The following DCC variants were observed in gnomAD, a reference collection of about 807,000 sequenced individuals.
DCC encodes DCC netrin 1 receptor.
A neutral mutation model predicts 172.5 loss-of-function variants in DCC; 58 were observed. The ratio of observed to expected loss-of-function variants is 0.34; its 90% CI spans 0.27 to 0.42. The LOEUF (loss-of-function observed/expected upper bound fraction) is 0.42. Among genes scored for constraint, DCC ranks in the 10% least tolerant of loss-of-function variants. The pLI, the probability that DCC is intolerant of heterozygous loss-of-function variation, is 1.00. For missense variants in DCC, 1,740 were observed against 1,791.0 expected (o/e 0.97, Z 0.51); for synonymous variants, 709 against 644.5 (o/e 1.10, Z -1.52).
At chr18:53,170,914 C>A (rs2055004408) in intron 8 of DCC, among the ~76,000 whole-genome samples, 1 of 152,076 alleles carries the variant, frequency 6.6e-6, no homozygotes. Flanking sequence ...AAAACAAGGT[C>A]TTACTCTGTC....
intron 1 of DCC, among the ~76,000 whole-genome samples, chr18:52,717,522 T>G (rs1287609096): frequency 1.3e-5 from 2 of 150,156 alleles, no homozygotes; most frequent in Non-Finnish European, 3.0e-5. Flanking sequence ...TGCTTCTCAC[T>G]GTGGCAGCAG....
chr18:53,111,179 C>T (rs2043325056), intron 7 of DCC, among the ~76,000 whole-genome samples: 1 of 144,634 alleles, frequency 6.9e-6, no homozygotes, highest in South Asian at 2.2e-4. Flanking sequence ...TGTTCTCGCT[C>T]ATAGGTAGGA....
intron 12 of DCC, among the ~76,000 whole-genome samples, chr18:53,252,333 T>C (rs2056447014): frequency 2.0e-5 from 3 of 151,984 alleles, no homozygotes; most frequent in East Asian, 3.9e-4. Flanking sequence ...ACAATAAAAA[T>C]AGAGTTAAGA....
intron 5 of DCC, among the ~76,000 whole-genome samples, chr18:52,988,806 T>C (rs1429683363): frequency 1.3e-5 from 2 of 152,134 alleles, no homozygotes; most frequent in East Asian, 3.9e-4. Context: ...ACACATGTAA[T>C]TTTTTGTGGG....
At chr18:52,605,893 G>A (rs2034121708) in intron 1 of DCC, among the ~76,000 whole-genome samples, 1 of 152,010 alleles carries the variant, frequency 6.6e-6, no homozygotes, top group Non-Finnish European at 1.5e-5. Flanking sequence ...ATGGTTCTGT[G>A]GTTGAGGTTA....
intron 18 of DCC, 106 bp from the exon 19 acceptor site, chr18:53,402,680 A>ATACT: frequency 1.2e-6 from 1 of 861,966 alleles, no homozygotes; most frequent in East Asian, 2.4e-5. Context: ...TAGACATGAT[A>ATACT]TACTTCTTGA....
intron 5 of DCC, among the ~76,000 whole-genome samples, chr18:53,008,854 A>G (rs1002030363): frequency 1.3e-5 from 2 of 152,052 alleles, no homozygotes; most frequent in African/African-American, 4.8e-5. Context: ...CAGGTTACAA[A>G]TGAATTTCTT....
chr18:53,057,960 TG>T (rs2144061615), intron 5 of DCC, among the ~76,000 whole-genome samples: 1 of 151,872 alleles, frequency 6.6e-6, no homozygotes, highest in African/African-American at 2.4e-5. Flanking sequence ...GATAGACCAC[TG>T]CAAGAAGCAG....
intron 9 of DCC, among the ~76,000 whole-genome samples, chr18:53,192,850 G>A (rs1336883820): frequency 6.6e-6 from 1 of 152,156 alleles, no homozygotes; most frequent in Non-Finnish European, 1.5e-5. Context: ...CGCATGCCCA[G>A]TTTAGTCTAT....
At chr18:53,114,442 T>C (rs545515665) in intron 7 of DCC, among the ~76,000 whole-genome samples, 1 of 151,558 alleles carries the variant, frequency 6.6e-6, no homozygotes, top group East Asian at 2.0e-4. Flanking sequence ...AGTAATAGAG[T>C]ATCTCAGTAT....
chr18:52,538,766 TG>T (rs1163048278), intron 1 of DCC, among the ~76,000 whole-genome samples: 1 of 152,220 alleles, frequency 6.6e-6, no homozygotes. Flanking sequence ...CTTACAAACA[TG>T]TTTTTTTTTC....
chr18:53,351,440 A>T (rs866631302), intron 15 of DCC, among the ~76,000 whole-genome samples: 3 of 43,774 alleles, frequency 6.9e-5, no homozygotes, highest in African/African-American at 2.0e-4. Flanking sequence ...ATATATATAC[A>T]GTGTATATAT....
chr18:53,472,901 C>A (rs2045715502), intron 25 of DCC, among the ~76,000 whole-genome samples: 1 of 152,222 alleles, frequency 6.6e-6, no homozygotes, highest in Non-Finnish European at 1.5e-5. Context: ...ATATTGGAAT[C>A]TAGATTTCTG....
intron 1 of DCC, among the ~76,000 whole-genome samples, chr18:52,747,288 ATTTC>A (rs1313864171): frequency 6.6e-6 from 1 of 152,110 alleles, no homozygotes; most frequent in African/African-American, 2.4e-5. Context: ...AGTTCAAAGG[ATTTC>A]TTTCTTTATG....
At chr18:52,384,404 A>T (rs1598879744) in intron 1 of DCC, among the ~76,000 whole-genome samples, 1 of 152,180 alleles carries the variant, frequency 6.6e-6, no homozygotes, top group Non-Finnish European at 1.5e-5. Context: ...CCTGAAACAC[A>T]TTCATGAATG....
chr18:52,414,445 T>A (rs1986948590), intron 1 of DCC, among the ~76,000 whole-genome samples: 1 of 152,146 alleles, frequency 6.6e-6, no homozygotes, highest in Admixed American at 6.6e-5. Flanking sequence ...CTGCTCCCCA[T>A]CTGATTGACT....
chr18:52,645,849 G>A (rs1015763866), intron 1 of DCC, among the ~76,000 whole-genome samples: 5 of 152,146 alleles, frequency 3.3e-5, no homozygotes, highest in African/African-American at 9.7e-5. Flanking sequence ...GAAAGACTTG[G>A]CTGTATCAGA....
At chr18:53,157,926 A>C (rs2054769690) in intron 8 of DCC, among the ~76,000 whole-genome samples, 1 of 152,144 alleles carries the variant, frequency 6.6e-6, no homozygotes, top group Admixed American at 6.5e-5. Context: ...TTCCTCTTTA[A>C]TAAGGAGAAA....
chr18:52,534,919 C>G (rs1428334990), intron 1 of DCC, among the ~76,000 whole-genome samples: 1 of 152,132 alleles, frequency 6.6e-6, no homozygotes, highest in Non-Finnish European at 1.5e-5. Flanking sequence ...TTTGTCCAAC[C>G]TTATTATGTA....
Sources: gnomAD v4.1 joint callset for allele counts (sites outside exome capture counted in the v4.1 genomes callset) on GRCh38, gnomAD v4.1.1 for gene constraint, MANE v1.5 for transcripts, NCBI Gene and HGNC (gene_info 2026-07-23, HGNC 2026-07-21) for gene names.